MAGI2: variants seen among roughly 807,000 people sequenced by gnomAD.
The protein encoded by MAGI2 is membrane-associated guanylate kinase, WW and PDZ domain-containing protein 2.
Under a neutral mutation model 133.3 loss-of-function variants are expected in MAGI2, and 35 were observed. The ratio of observed to expected loss-of-function variants is 0.26; its 90% CI spans 0.20 to 0.35. The LOEUF is 0.35. MAGI2 is among the 10% of genes least tolerant of loss of function. The pLI, the probability that MAGI2 is intolerant of heterozygous loss-of-function variation, is 1.00. For synonymous variants in MAGI2, 729 were observed against 710.6 expected, an observed-to-expected ratio of 1.03 and a Z score of -0.41; for missense variants, 1,636 against 1,863.4, an observed-to-expected ratio of 0.88 and a Z score of 2.25.
chr7:78,495,455 C>G (rs17150912), intron 5 of MAGI2, among the ~76,000 whole-genome samples: 26,275 of 152,146 alleles, frequency 0.17, 3,392 homozygotes, highest in African/African-American at 0.36. Context: ...TCAATAAAAT[C>G]ATCAGGATGA....
At position 78,195,003 on chromosome 7, in the gene MAGI2, G is replaced by T. The variant is rs139287473; in HGVS notation, c.2140C>A (p.Pro714Thr). The change falls in exon 12 of 22, where the codon CCG (proline) becomes ACG (threonine). Residue 714 changes from proline (P) to threonine (T), a missense_variant. By Grantham distance (38) the Pro-to-Thr change is conservative. Coordinates refer to ENST00000354212, the MANE Select transcript of MAGI2 (RefSeq NM_012301.4). ...PQTSLSAPAI[P>T]QNLPFPPALH... ...GCAGGTGGGAAGGGCAGGTTCTGCG[G>T]TATGGCCGGAGCAGATAAACTCGTT... The T allele has an allele frequency of 8.7e-6, 14 of 1,614,104 alleles. No individual in the cohort carries two copies. Among genetic ancestry groups the T allele is most frequent in the Non-Finnish European group, 1.1e-5 (13 of 1,179,958 alleles).
chr7:78,110,273 T>TA (rs1157727148), intron 20 of MAGI2, among the ~76,000 whole-genome samples: 3 of 152,210 alleles, frequency 2.0e-5, no homozygotes, highest in Admixed American at 6.5e-5. Context: ...GTCATGCTAC[T>TA]AGGTTGAGGA....
chr7:78,287,408 C>T (rs62463892), intron 9 of MAGI2, among the ~76,000 whole-genome samples: 6,904 of 152,144 alleles, frequency 0.045, 222 homozygotes, highest in South Asian at 0.12. Flanking sequence ...TAAGGTGGAA[C>T]GTCTGATATG....
chr7:78,562,836 T>C (rs1230406648), intron 3 of MAGI2, among the ~76,000 whole-genome samples: 1 of 152,186 alleles, frequency 6.6e-6, no homozygotes, highest in Non-Finnish European at 1.5e-5. Context: ...AAGGGATTCT[T>C]GGGATTTATG....
chr7:78,669,317 C>G (rs1048657526), intron 2 of MAGI2, among the ~76,000 whole-genome samples: 5 of 152,004 alleles, frequency 3.3e-5, no homozygotes, highest in Non-Finnish European at 5.9e-5. Context: ...ACTAGAAAAT[C>G]TAGAAGAAAT....
At chr7:78,269,225 G>A (rs575382971) in intron 9 of MAGI2, among the ~76,000 whole-genome samples, 1 of 152,238 alleles carries the variant, frequency 6.6e-6, no homozygotes, top group African/African-American at 2.4e-5. Context: ...TTGCTATTGT[G>A]AACAGTGCCA....
intron 2 of MAGI2, among the ~76,000 whole-genome samples, chr7:78,635,132 T>C (rs966188883): frequency 6.6e-6 from 1 of 152,278 alleles, no homozygotes; most frequent in African/African-American, 2.4e-5. Context: ...TCAAAAGACA[T>C]GTCTAAACAA....
chr7:78,357,794 C>A (rs1792247187), intron 7 of MAGI2, among the ~76,000 whole-genome samples: 2 of 151,828 alleles, frequency 1.3e-5, no homozygotes, highest in African/African-American at 2.4e-5. Flanking sequence ...TTCTCAAACA[C>A]AGAATGGAAT....
chr7:78,367,227 C>T (rs900084633), intron 7 of MAGI2, among the ~76,000 whole-genome samples: 2 of 152,102 alleles, frequency 1.3e-5, no homozygotes, highest in Non-Finnish European at 2.9e-5. Context: ...CAGATCTTCA[C>T]TTGCAGAACA....
chr7:79,110,722 G>A (rs1398930750), intron 1 of MAGI2, among the ~76,000 whole-genome samples: 1 of 152,100 alleles, frequency 6.6e-6, no homozygotes, highest in Non-Finnish European at 1.5e-5. Context: ...TTGGGATTTG[G>A]GGAGCCAGGG....
chr7:78,705,392 G>A (rs1818540136), intron 2 of MAGI2, among the ~76,000 whole-genome samples: 1 of 152,116 alleles, frequency 6.6e-6, no homozygotes, highest in Admixed American at 6.6e-5. Context: ...GTGGAACTGT[G>A]AGTCAAGTAA....
At chr7:78,623,618 A>T (rs1281820255) in intron 3 of MAGI2, among the ~76,000 whole-genome samples, 4 of 152,092 alleles carry the variant, frequency 2.6e-5, no homozygotes, top group Admixed American at 2.6e-4. Context: ...TTTCCTGTAA[A>T]TGTGGCAAGA....
At chr7:79,285,059 C>T (rs10274885) in intron 1 of MAGI2, among the ~76,000 whole-genome samples, 128,819 of 151,936 alleles carry the variant, frequency 0.85, 54,695 homozygotes, top group African/African-American at 0.87. Context: ...GAACCTCTAC[C>T]ATGCCCATAA....
intron 2 of MAGI2, among the ~76,000 whole-genome samples, chr7:78,695,931 A>T (rs1291464440): frequency 6.7e-6 from 1 of 149,842 alleles, no homozygotes; most frequent in Non-Finnish European, 1.5e-5. Flanking sequence ...CACATAGTTC[A>T]TTTTTTTTTT....
chr7:78,557,735 A>G (rs1799975779), intron 3 of MAGI2, among the ~76,000 whole-genome samples: 1 of 152,226 alleles, frequency 6.6e-6, no homozygotes, highest in African/African-American at 2.4e-5. Flanking sequence ...CCCTCCAAGG[A>G]ACAAGCAGTA....
rs190529166 is a variant in MAGI2 at position 78,725,967 on chromosome 7, A to G, written c.419-98728T>C. ...ATTTTGTCATTGTCTTTATATGTTT[A>G]TATCCCAGGCTTTTAATATAGTTGC... On this transcript the variant is annotated intron_variant, in intron 2 of 21. Transcript: ENST00000354212. Among the ~76,000 whole-genome samples, 543 of 152,314 alleles carry G rather than the reference A, an allele frequency of 3.6e-3. 1 individual carries two copies. Among genetic ancestry groups the G allele is most frequent in the Middle Eastern group, 6.8e-3 (2 of 294 alleles).
At chr7:79,066,934 T>C (rs148282651) in intron 1 of MAGI2, among the ~76,000 whole-genome samples, 2,139 of 152,312 alleles carry the variant, frequency 0.014, 52 homozygotes, top group African/African-American at 0.048. Context: ...TGTGGTGTTA[T>C]TTCTGAGGCC....
chr7:78,147,450 A>G (rs186350079), intron 16 of MAGI2, among the ~76,000 whole-genome samples: 3 of 152,324 alleles, frequency 2.0e-5, no homozygotes, highest in Admixed American at 1.3e-4. Flanking sequence ...TTAAAGTGTT[A>G]TAACTATATG....
chr7:79,236,508 A>G (rs933868897), intron 1 of MAGI2, among the ~76,000 whole-genome samples: 2 of 152,272 alleles, frequency 1.3e-5, no homozygotes, highest in Non-Finnish European at 2.9e-5. Context: ...TAAGCAGCAC[A>G]AAGCAGCATG....
Sources: gnomAD v4.1 joint callset for allele counts (sites outside exome capture counted in the v4.1 genomes callset) on GRCh38, gnomAD v4.1.1 for gene constraint, MANE v1.5 for transcripts, NCBI Gene and HGNC (gene_info 2026-07-23, HGNC 2026-07-21) for gene names.